PTPRN2: variants seen among roughly 807,000 people sequenced by gnomAD.
The protein encoded by PTPRN2 is protein tyrosine phosphatase receptor type N2, also known as receptor-type tyrosine-protein phosphatase N2.
A neutral mutation model predicts 118.8 loss-of-function variants in PTPRN2; 74 were observed. That is an observed-to-expected ratio of 0.62 (90% confidence interval 0.52 to 0.76). The LOEUF (loss-of-function observed/expected upper bound fraction) is 0.76, where lower values mean the gene tolerates loss of function less well. Ranked by LOEUF, PTPRN2 falls within the 30% of genes least tolerant of loss-of-function variation. The pLI, the probability that PTPRN2 is intolerant of heterozygous loss-of-function variation, is 0.00. For synonymous variants in PTPRN2, 641 were observed against 608.0 expected (o/e 1.05, Z -0.80); for missense variants, 1,481 against 1,394.4 (o/e 1.06, Z -0.99).
chr7:157,849,045 C>T (rs994864994), intron 12 of PTPRN2, among the ~76,000 whole-genome samples: 4 of 152,206 alleles, frequency 2.6e-5, no homozygotes, highest in African/African-American at 4.8e-5. Flanking sequence ...ATGACGTCTG[C>T]GGAGCCCCTC....
intron 1 of PTPRN2, among the ~76,000 whole-genome samples, chr7:158,496,027 T>C (rs926936117): frequency 3.9e-5 from 6 of 151,906 alleles, no homozygotes; most frequent in African/African-American, 1.2e-4. Flanking sequence ...CGGACAGGGC[T>C]TGGGGGGCAG....
At chr7:158,024,504 A>G (rs1231531326) in intron 11 of PTPRN2, among the ~76,000 whole-genome samples, 1 of 152,214 alleles carries the variant, frequency 6.6e-6, no homozygotes, top group Non-Finnish European at 1.5e-5. Flanking sequence ...TTCCCTGGGC[A>G]CACAGGGCAC....
At chr7:157,836,611 GACAC>G (rs57654943) in intron 12 of PTPRN2, among the ~76,000 whole-genome samples, 19 of 150,378 alleles carry the variant, frequency 1.3e-4, no homozygotes, top group East Asian at 3.9e-4. Flanking sequence ...GCAAAATAAA[GACAC>G]ACACACACAC....
intron 12 of PTPRN2, among the ~76,000 whole-genome samples, chr7:157,760,702 G>A (rs1585399358): frequency 1.3e-5 from 2 of 152,068 alleles, no homozygotes; most frequent in Admixed American, 1.3e-4. Context: ...CTTTTAACAA[G>A]GCATCCAAAA....
At chr7:158,537,849 A>G (rs1031644479) in intron 1 of PTPRN2, among the ~76,000 whole-genome samples, 1 of 152,254 alleles carries the variant, frequency 6.6e-6, no homozygotes, top group Non-Finnish European at 1.5e-5. Context: ...TCTCTGATAA[A>G]TGACTTCATC....
chr7:158,262,324 TCA>T (rs35904668), intron 3 of PTPRN2, among the ~76,000 whole-genome samples: 16,367 of 138,650 alleles, frequency 0.12, 960 homozygotes, highest in African/African-American at 0.16. Flanking sequence ...GCACACACAT[TCA>T]CACACACTGC....
chr7:158,171,248 T>C (rs1207284587), intron 5 of PTPRN2, among the ~76,000 whole-genome samples: 25 of 134,168 alleles, frequency 1.9e-4, no homozygotes, highest in African/African-American at 7.7e-4. Context: ...TACACATATA[T>C]ACACACATAT....
intron 5 of PTPRN2, 76 bp from the exon 6 acceptor site, chr7:158,167,367 T>C (rs1433701354): frequency 6.6e-7 from 1 of 1,511,590 alleles, no homozygotes; most frequent in African/African-American, 1.4e-5. Flanking sequence ...TGCCCTTCAG[T>C]CTCAGTTTTC....
intron 12 of PTPRN2, among the ~76,000 whole-genome samples, chr7:157,884,769 C>T (rs1333555481): frequency 2.0e-5 from 3 of 152,174 alleles, no homozygotes; most frequent in Non-Finnish European, 4.4e-5. Context: ...TGGGAAAGAC[C>T]AGCCCCCATG....
intron 5 of PTPRN2, among the ~76,000 whole-genome samples, chr7:158,184,979 A>C (rs905120565): frequency 6.6e-6 from 1 of 152,168 alleles, no homozygotes; most frequent in African/African-American, 2.4e-5. Flanking sequence ...GGTTTTGCCA[A>C]ATGCTTTTTC....
chr7:157,683,586 C>G (rs932071115), intron 12 of PTPRN2, among the ~76,000 whole-genome samples: 1 of 152,106 alleles, frequency 6.6e-6, no homozygotes, highest in Non-Finnish European at 1.5e-5. Flanking sequence ...TATGCACCTA[C>G]GTATTTTTCC....
intron 16 of PTPRN2, among the ~76,000 whole-genome samples, chr7:157,602,957 A>G (rs1051717143): frequency 6.6e-6 from 1 of 152,230 alleles, no homozygotes; most frequent in African/African-American, 2.4e-5. Context: ...TTAAAGGCAA[A>G]TTTGGAATTT....
intron 1 of PTPRN2, among the ~76,000 whole-genome samples, chr7:158,500,169 T>A (rs1409285382): frequency 1.3e-5 from 2 of 152,124 alleles, no homozygotes; most frequent in Admixed American, 6.6e-5. Context: ...AATCTGCACT[T>A]ACAATAATGA....
chr7:157,939,226 C>T (rs1351708968), intron 11 of PTPRN2, among the ~76,000 whole-genome samples: 1 of 152,324 alleles, frequency 6.6e-6, no homozygotes, highest in East Asian at 1.9e-4. Context: ...AGGTCCCCAC[C>T]TCAATAGCGA....
intron 14 of PTPRN2, among the ~76,000 whole-genome samples, chr7:157,644,159 G>C (rs1804878991): frequency 6.6e-6 from 1 of 152,208 alleles, no homozygotes; most frequent in Non-Finnish European, 1.5e-5. Flanking sequence ...AGAGATGATG[G>C]AGTTAAAATG....
In PTPRN2 at chr7:158,024,685, C is replaced by A. The variant is rs1308853002; in HGVS notation, c.1723+56613G>T. 5.3e-5 allele frequency among the ~76,000 whole-genome samples: 8 copies of A among 152,192 alleles called. No homozygotes were observed. The South Asian group carries it at 1.7e-3, about 32-fold the overall frequency. ...AGAAACTAAGACACCTTGTGACAAA[C>A]AAGCAATGGAAGAGAAAACTGCTTT... On this transcript the variant is annotated intron_variant, in intron 11 of 22. Transcript: ENST00000389418.
chr7:157,693,493 C>T (rs923308646), intron 12 of PTPRN2, among the ~76,000 whole-genome samples: 1 of 152,146 alleles, frequency 6.6e-6, no homozygotes, highest in African/African-American at 2.4e-5. Flanking sequence ...CCTGCCCTCG[C>T]TGCCCCGACC....
chr7:158,143,205 G>A (rs1337916592), intron 6 of PTPRN2, among the ~76,000 whole-genome samples: 1 of 152,240 alleles, frequency 6.6e-6, no homozygotes, highest in Non-Finnish European at 1.5e-5. Flanking sequence ...AGGAAGTGCA[G>A]GGATCGGGAG....
chr7:158,147,709 C>A (rs1820297749), intron 6 of PTPRN2, among the ~76,000 whole-genome samples: 1 of 147,022 alleles, frequency 6.8e-6, no homozygotes, highest in African/African-American at 2.6e-5. Context: ...CGTCTTTCCC[C>A]CTCACTGACA....
Sources: gnomAD v4.1 joint callset for allele counts (sites outside exome capture counted in the v4.1 genomes callset) on GRCh38, gnomAD v4.1.1 for gene constraint, MANE v1.5 for transcripts, NCBI Gene and HGNC (gene_info 2026-07-23, HGNC 2026-07-21) for gene names.